The following CDK12 variants were observed in gnomAD, a reference collection of about 807,000 sequenced individuals.
CDK12 encodes cyclin-dependent kinase 12.
CDK12 carries 17 observed loss-of-function variants against 133.8 expected under a neutral mutation model. The ratio of observed to expected loss-of-function variants is 0.13; its 90% CI spans 0.09 to 0.19. CDK12 has a LOEUF of 0.19. Ranked by LOEUF, CDK12 falls within the 10% of genes least tolerant of loss-of-function variation. CDK12 has a pLI of 1.00. For missense variants in CDK12, 1,508 were observed against 1,818.7 expected (o/e 0.83, Z 3.11); for synonymous variants, 694 against 683.6 (o/e 1.02, Z -0.24).
intron 2 of CDK12, among the ~76,000 whole-genome samples, chr17:39,481,770 G>C (rs1021697236): frequency 2.4e-4 from 36 of 150,034 alleles, no homozygotes; most frequent in African/African-American, 8.7e-4. Flanking sequence ...GCCCAGGCTG[G>C]ACTGCGATGG....
chr17:39,492,876 A>G lies in CDK12; in HGVS notation c.2234A>G (p.Lys745Arg). The change falls in exon 4 of 14, where the codon AAG becomes AGG. Residue 745 changes from lysine (K) to arginine (R), a missense_variant. Around this residue, in one of 9 missense-constraint regions of CDK12, gnomAD observed 74 missense variants for 160.2 expected, o/e 0.46. Transcript: ENST00000447079. ...EGTYGQVYKA[K>R]DKDTGELVAL... ...ACCTATGGCCAAGTATATAAAGCCAAGGACAAAGACACAGGTAAATATTGC... is the reference window on the plus strand; with the variant it reads ...ACCTATGGCCAAGTATATAAAGCCAGGGACAAAGACACAGGTAAATATTGC... 2 of 1,608,518 alleles carry G rather than the reference A, an allele frequency of 1.2e-6. No homozygotes were observed. The highest frequency in any genetic ancestry group is 1.7e-6 in the Non-Finnish European group (2 of 1,178,398).
downstream of CDK12, among the ~76,000 whole-genome samples, chr17:39,539,127 C>T (rs2055293312): frequency 6.6e-6 from 1 of 152,260 alleles, no homozygotes; most frequent in Admixed American, 6.5e-5. Context: ...ATAACTTCTC[C>T]ATTCCTAGAG....
At chr17:39,481,588 G>A (rs1204634995) in intron 2 of CDK12, among the ~76,000 whole-genome samples, 2 of 150,600 alleles carry the variant, frequency 1.3e-5, no homozygotes, top group African/African-American at 4.9e-5. Flanking sequence ...GGAATTACAC[G>A]TGTGAGCCAC....
At chr17:39,476,804 C>T (rs1203325016) in intron 2 of CDK12, among the ~76,000 whole-genome samples, 1 of 143,482 alleles carries the variant, frequency 7.0e-6, no homozygotes, top group Admixed American at 7.3e-5. Flanking sequence ...CTCACGCAAC[C>T]TCCGCCTCCC....
chr17:39,553,927 G>C (rs548152113), intron 2 of CDK12, among the ~76,000 whole-genome samples: 1 of 96,516 alleles, frequency 1.0e-5, no homozygotes, highest in East Asian at 2.9e-4. Flanking sequence ...TGGAGCAGGG[G>C]AGGCCCCAAC....
At chr17:39,560,605 G>C (rs1206544929) in intron 3 of CDK12, among the ~76,000 whole-genome samples, 1 of 152,204 alleles carries the variant, frequency 6.6e-6, no homozygotes, top group Non-Finnish European at 1.5e-5. Context: ...ACTTCACTAA[G>C]GTTGCTGAAA....
At position 39,518,331 on chromosome 17, in the gene CDK12, A is replaced by AT. The variant is rs879557213; in HGVS notation, c.2963+787dup. Among the ~76,000 whole-genome samples the AT allele has an allele frequency of 2.3e-3, 300 of 129,890 alleles. 1 individual carries two copies. The highest frequency in any genetic ancestry group is 5.4e-3 in the Admixed American group (71 of 13,222). 85.2% of individuals were successfully genotyped at this position (129,890 alleles called of 152,430 possible). ...ACAGGCACCCGCCACCACACCTGGC[A>AT]TTTTTTTTTTTTCCGTGTAGAGATA... On this transcript the variant is annotated intron_variant, in intron 10 of 13. Coordinates refer to ENST00000447079, the MANE Select transcript of CDK12 (RefSeq NM_016507.4).
At chr17:39,559,998 T>C (rs1284204775) in intron 3 of CDK12, among the ~76,000 whole-genome samples, 3 of 152,152 alleles carry the variant, frequency 2.0e-5, no homozygotes, top group African/African-American at 7.2e-5. Context: ...GGCCTTGCTA[T>C]GTTGCCCAGG....
chr17:39,470,135 A>AT (rs760342647), intron 1 of CDK12, among the ~76,000 whole-genome samples: 8,131 of 139,592 alleles, frequency 0.058, 229 homozygotes, highest in Non-Finnish European at 0.083. Flanking sequence ...AGTTTAATCT[A>AT]TTTTTTTTTT....
chr17:39,476,241 T>A (rs1282076563), intron 2 of CDK12, among the ~76,000 whole-genome samples: 2 of 147,308 alleles, frequency 1.4e-5, no homozygotes, highest in African/African-American at 5.0e-5. Context: ...TCCCGAGTAG[T>A]TGGGACCACA....
chr17:39,513,301 C>G (rs2053603756), intron 8 of CDK12, among the ~76,000 whole-genome samples: 1 of 152,210 alleles, frequency 6.6e-6, no homozygotes. Flanking sequence ...GAGCAAATCA[C>G]TTCTTTCCAT....
In CDK12 at chr17:39,461,944, C is replaced by T; in HGVS notation, c.-128C>T. 1.4e-6 allele frequency: 1 copy of T among 703,162 alleles called. No individual in the cohort carries two copies. 43.6% of individuals were successfully genotyped at this position (703,162 alleles called of 1,614,324 possible). A position where few individuals can be genotyped will look rare whatever the true frequency, so the allele number is the denominator to read the frequency against. On this transcript the variant is annotated 5_prime_UTR_variant, in exon 1 of 14. Coordinates refer to ENST00000447079, the MANE Select transcript of CDK12 (RefSeq NM_016507.4). ...AGGGAGGAGGAGCCTGGGCTACCGT[C>T]CCTGCCCTCCCCACCCCCTTCCCGG...
chr17:39,495,546 C>G (rs1372337025), intron 5 of CDK12, among the ~76,000 whole-genome samples: 1 of 151,682 alleles, frequency 6.6e-6, no homozygotes, highest in Non-Finnish European at 1.5e-5. Context: ...AATCCTGGCA[C>G]TTTGGGAGGC....
chr17:39,492,932 A>G, intron 4 of CDK12, 42 bp downstream of exon 4: 2 of 1,510,142 alleles, frequency 1.3e-6, no homozygotes, highest in East Asian at 2.3e-5. Context: ...AATGTTAACA[A>G]TTTAGCAATA....
chr17:39,540,697 C>T (rs2055364502), intron 1 of CDK12, among the ~76,000 whole-genome samples: 1 of 152,150 alleles, frequency 6.6e-6, no homozygotes, highest in Non-Finnish European at 1.5e-5. Context: ...ATTCCTGCTC[C>T]CAGAGCCATA....
chr17:39,462,532 C>T lies in CDK12; in HGVS notation c.461C>T (p.Ser154Leu), dbSNP rs759709034. 1 of 1,614,102 alleles carries T rather than the reference C, an allele frequency of 6.2e-7. No individual in the cohort carries two copies. The highest frequency in any genetic ancestry group is 8.5e-7 in the Non-Finnish European group (1 of 1,180,022). The change falls in exon 1 of 14, where the codon TCG (serine) becomes TTG (leucine). Residue 154 changes from serine to leucine, a missense_variant. Around this residue, in one of 9 missense-constraint regions of CDK12, gnomAD observed 460 missense variants for 490.8 expected, o/e 0.94. Transcript: ENST00000447079. ...CGGATATCGGGAAGTTCAAAGCGTT[C>T]GAATGAGGAGACTGATGACTATGGG... ...KDRISGSSKR[S>L]NEETDDYGKA...
intron 8 of CDK12, among the ~76,000 whole-genome samples, chr17:39,513,519 AC>A (rs1157816090): frequency 1.3e-5 from 2 of 152,208 alleles, no homozygotes; most frequent in African/African-American, 4.8e-5. Flanking sequence ...TTAAATTGTC[AC>A]AACTAGGCTC....
Position 39,470,939 on chromosome 17 carries a change from T to C in CDK12, c.1107T>C (p.His369=). 1.2e-6 allele frequency: 2 copies of C among 1,613,414 alleles called. No individual in the cohort carries two copies. Among genetic ancestry groups the C allele is most frequent in the Non-Finnish European group, 1.7e-6 (2 of 1,179,766 alleles). ...CATATTCAAGACATTCATCTTCTCA[T>C]AGTAAAAAGAAGAGATCCAGTTCAC... ...SPAYSRHSSS[H]SKKKRSSSRS... The change falls in exon 2 of 14, where the codon CAT becomes CAC. Residue 369 remains histidine, a synonymous_variant. Coordinates refer to ENST00000447079, the MANE Select transcript of CDK12 (RefSeq NM_016507.4).
chr17:39,490,581 A>C lies in CDK12; in HGVS notation c.1956A>C (p.Lys652Asn). The change falls in exon 3 of 14, where the codon AAA becomes AAC. Residue 652 changes from lysine to asparagine, a missense_variant. Lys to Asn is a moderately conservative substitution (Grantham distance 94). Transcript: ENST00000447079. ...MDSPKETLPS[K>N]PVKKEKEQRT... is the part of the protein sequence containing the mutation. ...GTCCAAAAGAAACTCTTCCTTCAAA[A>C]CCTGTGAAGAAAGAGAAGGAACAGA... is the stretch of plus-strand genomic sequence containing the variant. 1 of 1,611,664 alleles carries C rather than the reference A, an allele frequency of 6.2e-7. No individual in the cohort carries two copies. Among genetic ancestry groups the C allele is most frequent in the Non-Finnish European group, 8.5e-7 (1 of 1,178,802 alleles).
Sources: gnomAD v4.1 joint callset for allele counts (sites outside exome capture counted in the v4.1 genomes callset) on GRCh38, gnomAD v4.1.1 for gene constraint, gnomAD v4.1.1 regional missense constraint, MANE v1.5 for transcripts, NCBI Gene and HGNC (gene_info 2026-07-23, HGNC 2026-07-21) for gene names.